The following PLEKHG1 variants were observed in gnomAD, a reference collection of about 807,000 sequenced individuals.
The protein encoded by PLEKHG1 is pleckstrin homology and RhoGEF domain containing G1.
Under a neutral mutation model 100.8 loss-of-function variants are expected in PLEKHG1, and 44 were observed. The ratio of observed to expected loss-of-function variants is 0.44; its 90% confidence interval spans 0.34 to 0.56. PLEKHG1 has a LOEUF of 0.56. Among genes scored for constraint, PLEKHG1 ranks in the 20% least tolerant of loss-of-function variants. PLEKHG1 has a pLI of 0.01. For synonymous variants in PLEKHG1, 640 were observed against 662.5 expected, an observed-to-expected ratio of 0.97 and a Z score of 0.52; for missense variants, 1,545 against 1,720.9, an observed-to-expected ratio of 0.90 and a Z score of 1.81.
At chr6:150,677,854 G>A (rs1327270707) in intron 3 of PLEKHG1, among the ~76,000 whole-genome samples, 1 of 151,746 alleles carries the variant, frequency 6.6e-6, no homozygotes, top group African/African-American at 2.4e-5. Context: ...TCCAGCCTGG[G>A]TGACAGAGTG....
intron 2 of PLEKHG1, among the ~76,000 whole-genome samples, chr6:150,767,276 A>T (rs1007337263): frequency 6.6e-6 from 1 of 152,054 alleles, no homozygotes; most frequent in Non-Finnish European, 1.5e-5. Flanking sequence ...TGTTCCATTT[A>T]TAACAGTAAG....
At chr6:150,798,560 A>G (rs1786495730) in intron 5 of PLEKHG1, among the ~76,000 whole-genome samples, 1 of 152,200 alleles carries the variant, frequency 6.6e-6, no homozygotes, top group Admixed American at 6.5e-5. Context: ...CCTGGTGTAT[A>G]TTGGCAGGAA....
intron 7 of PLEKHG1, 65 bp from the exon 9 acceptor site, chr6:150,809,040 G>C: frequency 7.0e-7 from 1 of 1,421,950 alleles, no homozygotes; most frequent in Non-Finnish European, 9.8e-7. Context: ...CAACAGATGG[G>C]CCACCAAGCC....
chr6:150,777,191 A>C (rs921399685), intron 3 of PLEKHG1, among the ~76,000 whole-genome samples: 16 of 150,996 alleles, frequency 1.1e-4, no homozygotes, highest in Non-Finnish European at 2.2e-4. Context: ...GTGCGGTTGC[A>C]CATCAGCCAC....
chr6:150,701,593 A>C, intron 3 of PLEKHG1, among the ~76,000 whole-genome samples: 1 of 132,790 alleles, frequency 7.5e-6, no homozygotes, highest in East Asian at 2.7e-4. Flanking sequence ...TCCTAATGCT[A>C]TCCCTCCCCC....
chr6:150,739,058 A>G (rs1782713749), intron 2 of PLEKHG1, among the ~76,000 whole-genome samples: 1 of 152,208 alleles, frequency 6.6e-6, no homozygotes, highest in Non-Finnish European at 1.5e-5. Flanking sequence ...TAAATGATCT[A>G]TAAAAGAGCT....
chr6:150,662,398 C>T (rs1779228905), intron 3 of PLEKHG1: 1 of 152,178 alleles, frequency 6.6e-6, no homozygotes, highest in African/African-American at 2.4e-5. Flanking sequence ...TTGGAACAAG[C>T]TCCATCTTCT....
chr6:150,800,646 G>C, intron 5 of PLEKHG1, 73 bp from the exon 7 acceptor site: 1 of 1,402,936 alleles, frequency 7.1e-7, no homozygotes, highest in Non-Finnish European at 1.0e-6. Flanking sequence ...ATTTACACTT[G>C]CAATAGCATT....
Position 150,823,966 on chromosome 6 carries a change from A to T in PLEKHG1, c.1470+290A>T, listed in dbSNP as rs541519436. Among the ~76,000 whole-genome samples, 13 of 152,302 alleles carry T rather than the reference A, an allele frequency of 8.5e-5. No homozygotes were observed. The South Asian group carries it at 2.7e-3, about 32-fold the overall frequency. ...AGGCTGTAACCTTACCTTAGGGTGT[A>T]ATACCTGCCCGGTGCTCACGTGAGC... On this transcript the variant is annotated intron_variant, in intron 14 of 15. Coordinates refer to ENST00000358517, the Ensembl canonical transcript of PLEKHG1.
chr6:150,702,649 A>G (rs9986597), intron 3 of PLEKHG1, among the ~76,000 whole-genome samples: 22,901 of 150,972 alleles, frequency 0.15, 2,433 homozygotes, highest in African/African-American at 0.32. Flanking sequence ...TATTTAAATC[A>G]CCTAGTGTAA....
chr6:150,802,465 C>T (rs112516022), intron 6 of PLEKHG1, among the ~76,000 whole-genome samples: 2,812 of 131,492 alleles, frequency 0.021, 78 homozygotes, highest in African/African-American at 0.087. Context: ...TTTAAGATCT[C>T]GGTTAAGCAT....
chr6:150,807,913 G>A (rs916200762), intron 7 of PLEKHG1, among the ~76,000 whole-genome samples: 5 of 152,242 alleles, frequency 3.3e-5, no homozygotes, highest in African/African-American at 7.2e-5. Flanking sequence ...AGGTTGCAGT[G>A]AGCCGAGATT....
exon 16 of PLEKHG1, chr6:150,839,940 C>T (rs954814642): frequency 6.2e-7 from 1 of 1,613,616 alleles, no homozygotes; most frequent in Non-Finnish European, 8.5e-7. Context: ...ATCCTCCCTC[C>T]TGAGGTCTGT....
intron 3 of PLEKHG1, among the ~76,000 whole-genome samples, chr6:150,714,642 A>G (rs1224407868): frequency 6.6e-6 from 1 of 152,134 alleles, no homozygotes; most frequent in Non-Finnish European, 1.5e-5. Context: ...GGGGCTGAGA[A>G]ACTACATTTT....
At chr6:150,716,843 T>C (rs572645157), upstream of PLEKHG1, among the ~76,000 whole-genome samples, 123 of 50,584 alleles carry the variant, frequency 2.4e-3, no homozygotes, top group African/African-American at 8.1e-3. Flanking sequence ...GGCAGACTTC[T>C]GGGAAGGGAT....
chr6:150,685,246 C>A (rs146052448), intron 3 of PLEKHG1, among the ~76,000 whole-genome samples: 57 of 152,144 alleles, frequency 3.7e-4, no homozygotes, highest in Admixed American at 1.5e-3. Context: ...GGGCGTGGCC[C>A]CAGCAGAAGA....
At chr6:150,659,855 C>T (rs371282245) in intron 3 of PLEKHG1, among the ~76,000 whole-genome samples, 136 of 152,294 alleles carry the variant, frequency 8.9e-4, no homozygotes, top group African/African-American at 3.1e-3. Flanking sequence ...CCTGCTCTAA[C>T]GGACTAAAGT....
intron 7 of PLEKHG1, among the ~76,000 whole-genome samples, chr6:150,805,450 G>A (rs373930553): frequency 5.9e-5 from 9 of 152,136 alleles, no homozygotes; most frequent in African/African-American, 1.9e-4. Context: ...GGCAGGGGAC[G>A]CAGAGTAAGG....
At chr6:150,821,271 T>C in intron 13 of PLEKHG1, 38 bp downstream of exon 14, 3 of 1,341,230 alleles carry the variant, frequency 2.2e-6, no homozygotes, top group Non-Finnish European at 3.2e-6. Flanking sequence ...TCATTCTTGT[T>C]GATATTCACT....
Sources: gnomAD v4.1 joint callset for allele counts (sites outside exome capture counted in the v4.1 genomes callset) on GRCh38, gnomAD v4.1.1 for gene constraint, MANE v1.5 for transcripts, NCBI Gene and HGNC (gene_info 2026-07-23, HGNC 2026-07-21) for gene names.